Variants in LINGO2 observed in about 807,000 individuals in gnomAD.
LINGO2 encodes the protein leucine-rich repeat and immunoglobulin-like domain-containing nogo receptor-interacting protein 2.
A neutral mutation model predicts 30.6 loss-of-function variants in LINGO2; 14 were observed. That is an observed-to-expected ratio of 0.46 (90% CI 0.30 to 0.72). The LOEUF (loss-of-function observed/expected upper bound fraction) is 0.72, where lower values mean the gene tolerates loss of function less well. Ranked by LOEUF, LINGO2 falls within the 30% of genes least tolerant of loss-of-function variation. The pLI is 0.07. For synonymous variants in LINGO2, 317 were observed against 288.5 expected (o/e 1.10, Z -1.00); for missense variants, 729 against 751.7 (o/e 0.97, Z 0.35).
the LINGO2 span, chr9:28,888,879 T>G: frequency 1.9e-6 from 1 of 533,982 alleles, no homozygotes. Context: ...GTAGGAAGAT[T>G]TGTGGGTGTT....
At chr9:28,444,563 C>A (rs950373059) in intron 2 of LINGO2, among the ~76,000 whole-genome samples, 1 of 152,238 alleles carries the variant, frequency 6.6e-6, no homozygotes, top group African/African-American at 2.4e-5. Flanking sequence ...TGGGGCTCCC[C>A]AAGCCAGGGC....
In LINGO2 at chr9:28,311,908, T is replaced by G. The variant is rs548679585; in HGVS notation, c.-245-16542A>C. 2.0e-3 allele frequency among the ~76,000 whole-genome samples: 300 copies of G among 152,222 alleles called. 1 individual carries two copies. The highest frequency in any genetic ancestry group is 3.7e-3 in the Non-Finnish European group (249 of 68,004). ...TAAGTATCCATGAAATCTTCACAATTTATATTCAGAGACTGCAGTAAAGAC... is the reference window on the plus strand; with the variant it reads ...TAAGTATCCATGAAATCTTCACAATGTATATTCAGAGACTGCAGTAAAGAC... On this transcript the variant is annotated intron_variant, in intron 3 of 5. Coordinates refer to ENST00000379992, the Ensembl canonical transcript of LINGO2.
At chr9:28,705,530 G>A in the LINGO2 span, among the ~76,000 whole-genome samples, 1 of 152,050 alleles carries the variant, frequency 6.6e-6, no homozygotes, top group Non-Finnish European at 1.5e-5. Flanking sequence ...TGATAAAATA[G>A]CTTCTCCTGA....
chr9:28,775,625 T>C, the LINGO2 span, among the ~76,000 whole-genome samples: 2 of 152,174 alleles, frequency 1.3e-5, no homozygotes, highest in Non-Finnish European at 2.9e-5. Flanking sequence ...ATAAGTCTAA[T>C]GTTCAATGAA....
chr9:28,446,492 C>A (rs1824429492), intron 2 of LINGO2, among the ~76,000 whole-genome samples: 1 of 152,206 alleles, frequency 6.6e-6, no homozygotes, highest in South Asian at 2.1e-4. Flanking sequence ...TTAATATCCA[C>A]CATGCTGAAC....
intron 1 of LINGO2, among the ~76,000 whole-genome samples, chr9:28,609,435 T>C (rs1825822480): frequency 6.6e-6 from 1 of 151,808 alleles, no homozygotes; most frequent in Non-Finnish European, 1.5e-5. Flanking sequence ...TCCCCAAGAC[T>C]TCTAGTTGAA....
chr9:28,660,221 T>C (rs1222799113), intron 1 of LINGO2, among the ~76,000 whole-genome samples: 2 of 152,148 alleles, frequency 1.3e-5, no homozygotes, highest in East Asian at 1.9e-4. Context: ...ATAACTGTTC[T>C]AGTGTTTATA....
At chr9:28,586,168 G>A (rs939328714) in intron 1 of LINGO2, among the ~76,000 whole-genome samples, 1 of 152,004 alleles carries the variant, frequency 6.6e-6, no homozygotes, top group East Asian at 1.9e-4. Context: ...CATACCTGCA[G>A]GAGTTTCTTG....
At chr9:28,061,832 C>T (rs1825153852) in intron 4 of LINGO2, among the ~76,000 whole-genome samples, 1 of 152,102 alleles carries the variant, frequency 6.6e-6, no homozygotes, top group Non-Finnish European at 1.5e-5. Flanking sequence ...TGGCTCTAAT[C>T]TCTTCAAGCC....
chr9:29,129,879 G>A, the LINGO2 span, among the ~76,000 whole-genome samples: 2 of 152,068 alleles, frequency 1.3e-5, no homozygotes, highest in Non-Finnish European at 1.5e-5. Context: ...ATGACTGGTT[G>A]TTTAAAAAGA....
the LINGO2 span, among the ~76,000 whole-genome samples, chr9:29,154,629 A>G: frequency 1.3e-5 from 2 of 152,186 alleles, no homozygotes; most frequent in Non-Finnish European, 2.9e-5. Flanking sequence ...TCAAGAGCCC[A>G]ATTTACTATA....
At chr9:28,984,111 G>C in the LINGO2 span, among the ~76,000 whole-genome samples, 2 of 151,994 alleles carry the variant, frequency 1.3e-5, no homozygotes, top group African/African-American at 2.4e-5. Flanking sequence ...TCCTCCCAAA[G>C]AATTTCTCAG....
chr9:28,193,873 C>A (rs1200718209), intron 4 of LINGO2, among the ~76,000 whole-genome samples: 2 of 152,190 alleles, frequency 1.3e-5, no homozygotes, highest in Non-Finnish European at 2.9e-5. Context: ...CTTAGAGTCT[C>A]TCTAGGCTAG....
At chr9:28,574,641 A>C (rs1201574244) in intron 1 of LINGO2, among the ~76,000 whole-genome samples, 3 of 152,108 alleles carry the variant, frequency 2.0e-5, no homozygotes, top group Non-Finnish European at 2.9e-5. Flanking sequence ...TATTTTTTTC[A>C]GGTGAATATT....
At chr9:28,109,116 A>G (rs1351497945) in intron 4 of LINGO2, among the ~76,000 whole-genome samples, 2 of 152,208 alleles carry the variant, frequency 1.3e-5, no homozygotes, top group African/African-American at 4.8e-5. Flanking sequence ...AACATAATCC[A>G]TCACATAATC....
chr9:27,999,435 T>TGAGAGAGAGAGAGAGAGA (rs1156717819), intron 5 of LINGO2, among the ~76,000 whole-genome samples: 5 of 102,922 alleles, frequency 4.9e-5, no homozygotes, highest in African/African-American at 1.9e-4. Flanking sequence ...TGCCTAATCT[T>TGAGAGAGAGAGAGAGAGA]CAGAGAGAGA....
chr9:28,393,307 C>G (rs1332121550), intron 2 of LINGO2, among the ~76,000 whole-genome samples: 1 of 152,198 alleles, frequency 6.6e-6, no homozygotes, highest in African/African-American at 2.4e-5. Context: ...AGTAAGCACA[C>G]TTTGTATTAT....
chr9:28,489,535 T>C (rs539435406), intron 1 of LINGO2, among the ~76,000 whole-genome samples: 8 of 152,226 alleles, frequency 5.3e-5, no homozygotes, highest in South Asian at 2.1e-4. Flanking sequence ...TGAACTTTTG[T>C]TCTCTTGTCT....
chr9:28,198,830 C>G (rs10968384), intron 4 of LINGO2, among the ~76,000 whole-genome samples: 1 of 152,020 alleles, frequency 6.6e-6, no homozygotes, highest in East Asian at 1.9e-4. Flanking sequence ...TACAATCTCA[C>G]GGAAATTTAG....
Sources: allele counts gnomAD v4.1 joint callset (sites outside exome capture counted in the v4.1 genomes callset), GRCh38; gene constraint gnomAD v4.1.1; transcripts MANE v1.5; gene names NCBI Gene and HGNC (gene_info 2026-07-23, HGNC 2026-07-21).